Variants in USP47 observed in about 807,000 individuals in gnomAD.
USP47 encodes the protein ubiquitin carboxyl-terminal hydrolase 47.
In USP47, 35 loss-of-function variants were observed where a neutral mutation model predicts 165.1. That is an observed-to-expected ratio of 0.21 (90% CI 0.16 to 0.28). The LOEUF (loss-of-function observed/expected upper bound fraction) is 0.28. Among genes scored for constraint, USP47 ranks in the 10% least tolerant of loss-of-function variants. USP47 has a pLI of 1.00. For missense variants in USP47, 1,277 were observed against 1,607.4 expected, an observed-to-expected ratio of 0.79 and a Z score of 3.52; for synonymous variants, 531 against 544.5, an observed-to-expected ratio of 0.98 and a Z score of 0.35.
At chr11:11,861,758 T>C (rs1849399343) in intron 1 of USP47, among the ~76,000 whole-genome samples, 1 of 152,218 alleles carries the variant, frequency 6.6e-6, no homozygotes, top group East Asian at 1.9e-4. Flanking sequence ...TTTTACAAAA[T>C]TTTAAAAGCA....
At chr11:11,904,774 G>C (rs1322783170) in intron 7 of USP47, among the ~76,000 whole-genome samples, 1 of 152,106 alleles carries the variant, frequency 6.6e-6, no homozygotes, top group Non-Finnish European at 1.5e-5. Context: ...GATATTTTGA[G>C]AGAGGTGGAT....
At chr11:11,952,384 A>T (rs1450054572) in intron 24 of USP47, 1 of 154,028 alleles carries the variant, frequency 6.5e-6, no homozygotes, top group Non-Finnish European at 1.4e-5. Flanking sequence ...AAAAAAGAGG[A>T]TAAAGTGAAG....
At position 11,920,145 on chromosome 11, in the gene USP47, T is replaced by C; in HGVS notation, c.970-11T>C. ...TTTAAGTAATTATAAAACAAATTTTTTTCTAACTAGGAAGAAGCATTGCAT... is the reference window on the plus strand; with the variant it reads ...TTTAAGTAATTATAAAACAAATTTTCTTCTAACTAGGAAGAAGCATTGCAT... On this transcript the variant is annotated splice_polypyrimidine_tract_variant and intron_variant, in intron 8 of 27. Transcript: ENST00000527733. 1 of 1,550,496 alleles carries C rather than the reference T, an allele frequency of 6.4e-7. No individual in the cohort carries two copies.
chr11:11,887,594 A>G (rs1851243989), intron 3 of USP47, among the ~76,000 whole-genome samples: 1 of 152,156 alleles, frequency 6.6e-6, no homozygotes, highest in Non-Finnish European at 1.5e-5. Flanking sequence ...AGAGACCAAC[A>G]AAAGAGACTT....
intron 11 of USP47, among the ~76,000 whole-genome samples, chr11:11,926,933 G>T: frequency 6.7e-6 from 1 of 150,190 alleles, no homozygotes; most frequent in Non-Finnish European, 1.5e-5. Context: ...AATTTCCTTT[G>T]TGGTTTCTTC....
intron 8 of USP47, among the ~76,000 whole-genome samples, chr11:11,912,566 T>G (rs1853075783): frequency 6.6e-6 from 1 of 152,072 alleles, no homozygotes; most frequent in South Asian, 2.1e-4. Flanking sequence ...AATCTCCAAA[T>G]CTTGATTGTT....
rs756693119 is a variant in USP47 at position 11,955,179 on chromosome 11, G to A, written c.3893+15G>A. The stretch of plus-strand genomic sequence containing the variant: ...ATATTTTATAGGTAACATTCACAAT[G>A]TTTTTGTTGCTGTTAGTAATACATT... On this transcript the variant is annotated intron_variant, in intron 27 of 27. Coordinates refer to ENST00000527733, the MANE Select transcript of USP47 (RefSeq NM_001282659.2). The A allele has an allele frequency of 4.4e-6, 7 of 1,605,574 alleles. No homozygotes were observed. The Admixed American group carries it at 1.0e-4, about 24-fold the overall frequency.
chr11:11,910,102 G>A (rs1196210635), intron 8 of USP47, among the ~76,000 whole-genome samples: 1 of 152,098 alleles, frequency 6.6e-6, no homozygotes, highest in Non-Finnish European at 1.5e-5. Flanking sequence ...TAAAAAGTGG[G>A]GACTTCTGCT....
rs151068298 is a variant in USP47, at chr11:11,885,686, T to A, written c.357+1106T>A. ...GATCCCCAACAAGGTGGGAAGTCCA[T>A]ACATAAATACCCCTAGGAAGGGGGC... On this transcript the variant is annotated intron_variant, in intron 3 of 27. Transcript: ENST00000527733. Among the ~76,000 whole-genome samples the A allele has an allele frequency of 3.7e-4, 57 of 152,252 alleles. 1 individual carries two copies. Among genetic ancestry groups the A allele is most frequent in the Non-Finnish European group, 7.4e-4 (50 of 68,014 alleles).
chr11:11,852,920 C>G (rs1373283029), intron 1 of USP47, among the ~76,000 whole-genome samples: 1 of 152,196 alleles, frequency 6.6e-6, no homozygotes, highest in Non-Finnish European at 1.5e-5. Flanking sequence ...CTTGCCCTGA[C>G]TGAATACTAT....
intron 3 of USP47, among the ~76,000 whole-genome samples, chr11:11,891,343 A>C (rs1044407884): frequency 1.3e-5 from 2 of 152,164 alleles, no homozygotes; most frequent in Non-Finnish European, 2.9e-5. Context: ...GCCTGTCTGG[A>C]TACTAGACAG....
Position 11,874,219 on chromosome 11 carries a change from A to G in USP47, c.40-5958A>G, listed in dbSNP as rs560378724. Among the ~76,000 whole-genome samples the G allele has an allele frequency of 1.6e-4, 25 of 152,340 alleles. No individual in the cohort carries two copies. In the East Asian group the frequency reaches 1.9e-3, roughly 12 times the overall value. ...GTCAAAATCCAGAAATCCTATTACT[A>G]TTGATTTCCTCAGAGCCTGTGTGCA... On this transcript the variant is annotated intron_variant, in intron 1 of 27. Coordinates refer to ENST00000527733, the MANE Select transcript of USP47 (RefSeq NM_001282659.2).
At chr11:11,917,733 T>C (rs1853532830) in intron 8 of USP47, among the ~76,000 whole-genome samples, 1 of 152,052 alleles carries the variant, frequency 6.6e-6, no homozygotes, top group South Asian at 2.1e-4. Context: ...CAAACCTTGC[T>C]AAATACCAAA....
At chr11:11,920,085 CT>C (rs1366295400) in intron 8 of USP47, 70 bp from the exon 9 acceptor site, 2 of 1,180,620 alleles carry the variant, frequency 1.7e-6, no homozygotes, top group Non-Finnish European at 2.2e-6. Flanking sequence ...TAATTACAGT[CT>C]TTTTTATTCA....
chr11:11,945,703 G>A (rs556499355), intron 20 of USP47, among the ~76,000 whole-genome samples: 1 of 152,052 alleles, frequency 6.6e-6, no homozygotes, highest in African/African-American at 2.4e-5. Flanking sequence ...TTGGGAGGCC[G>A]TGAGGGGAAC....
chr11:11,929,026 C>G (rs951847362), intron 11 of USP47, among the ~76,000 whole-genome samples: 1 of 151,934 alleles, frequency 6.6e-6, no homozygotes, highest in Admixed American at 6.6e-5. Flanking sequence ...TATTCCTCAG[C>G]TCTTTTGTAA....
At chr11:11,901,298 A>T (rs1410030010) in intron 5 of USP47, among the ~76,000 whole-genome samples, 1 of 152,224 alleles carries the variant, frequency 6.6e-6, no homozygotes, top group Non-Finnish European at 1.5e-5. Context: ...ATTAAAGCTC[A>T]AACCTCCTTT....
In USP47 at chr11:11,943,404, A is replaced by C. The variant is rs75176469; in HGVS notation, c.3091+292A>C. ...AAATTAGGGAATATATTAAAAAGTAAATAATATTTTTTAAAAGCTGAGAAA... is the reference window on the plus strand; with the variant it reads ...AAATTAGGGAATATATTAAAAAGTACATAATATTTTTTAAAAGCTGAGAAA... On this transcript the variant is annotated intron_variant, in intron 20 of 27. Transcript: ENST00000527733. The C allele has an allele frequency of 2.6e-3, 513 of 194,344 alleles. 4 individuals are homozygous for C. Among genetic ancestry groups the C allele is most frequent in the African/African-American group, 0.012 (497 of 43,086 alleles). The allele number at this position is 194,344 out of a possible 1,614,324, so 12.0% of individuals were successfully genotyped here. A position where few individuals can be genotyped will look rare whatever the true frequency, so the allele number is the denominator to read the frequency against.
chr11:11,871,335 C>T (rs34389866), intron 1 of USP47, among the ~76,000 whole-genome samples: 1 of 151,504 alleles, frequency 6.6e-6, no homozygotes, highest in African/African-American at 2.4e-5. Context: ...AACCCCGTCT[C>T]TACTAAAAAA....
Sources: allele counts gnomAD v4.1 joint callset (sites outside exome capture counted in the v4.1 genomes callset), GRCh38; gene constraint gnomAD v4.1.1; transcripts MANE v1.5; gene names NCBI Gene and HGNC (gene_info 2026-07-23, HGNC 2026-07-21).